Variants in ARID4B observed in about 807,000 individuals in gnomAD.
ARID4B encodes AT-rich interactive domain-containing protein 4B.
ARID4B carries 26 observed loss-of-function variants against 147.5 expected under a neutral mutation model. The ratio of observed to expected loss-of-function variants is 0.18; its 90% CI spans 0.13 to 0.24. ARID4B has a LOEUF of 0.24. Ranked by LOEUF, ARID4B falls within the 10% of genes least tolerant of loss-of-function variation. The pLI is 1.00. For synonymous variants in ARID4B, 512 were observed against 507.9 expected, an observed-to-expected ratio of 1.01 and a Z score of -0.11; for missense variants, 1,179 against 1,511.5, an observed-to-expected ratio of 0.78 and a Z score of 3.65.
rs1252267786 is a variant in ARID4B, at chr1:235,328,096, G to GTCT, written c.-378_-377insAGA. The GTCT allele has an allele frequency of 1.3e-5, 2 of 153,354 alleles. No homozygotes were observed. The highest frequency in any genetic ancestry group is 2.9e-5 in the Non-Finnish European group (2 of 68,646). 9.5% of individuals were successfully genotyped at this position (153,354 alleles called of 1,614,324 possible). ...CCGGGCAAAGGTCCAGGCGGTGGCCGTGGCGGCGGCAAGATGAAGCTCAAG... is the reference window on the plus strand; with the variant it reads ...CCGGGCAAAGGTCCAGGCGGTGGCCGTCTTGGCGGCGGCAAGATGAAGCTCAAG... On this transcript the variant is annotated 5_prime_UTR_variant, in exon 1 of 24. Transcript: ENST00000264183.
chr1:235,308,698 A>C, intron 2 of ARID4B, among the ~76,000 whole-genome samples: 1 of 152,116 alleles, frequency 6.6e-6, no homozygotes, highest in East Asian at 1.9e-4. Flanking sequence ...GCTGGTCTCC[A>C]GCTCCTAACC....
chr1:235,188,645 A>C (rs948317563), intron 19 of ARID4B, among the ~76,000 whole-genome samples: 6 of 151,702 alleles, frequency 4.0e-5, no homozygotes, highest in Non-Finnish European at 8.8e-5. Flanking sequence ...CCTCCACCCC[A>C]CTCTCTGTTC....
chr1:235,239,884 T>C (rs1668874937), intron 8 of ARID4B, among the ~76,000 whole-genome samples: 1 of 152,150 alleles, frequency 6.6e-6, no homozygotes, highest in Admixed American at 6.5e-5. Context: ...ATAATTGCAG[T>C]CATGATTATA....
At chr1:235,183,531 T>C (rs1664466508) in intron 19 of ARID4B, among the ~76,000 whole-genome samples, 3 of 152,010 alleles carry the variant, frequency 2.0e-5, no homozygotes, top group Admixed American at 6.6e-5. Flanking sequence ...CTTATGAAAC[T>C]ATAGCCTTCA....
chr1:235,185,891 CTA>C (rs3083641), intron 19 of ARID4B, among the ~76,000 whole-genome samples: 6,256 of 150,984 alleles, frequency 0.041, 472 homozygotes, highest in African/African-American at 0.14. Context: ...CGGTATGACT[CTA>C]TTAATTTATT....
At chr1:235,326,647 T>C in intron 2 of ARID4B, 1 of 481,066 alleles carries the variant, frequency 2.1e-6, no homozygotes, top group South Asian at 2.3e-5. Context: ...AACACTTTAA[T>C]TCATGCCGTT....
At chr1:235,245,700 G>T (rs1397887789) in intron 7 of ARID4B, among the ~76,000 whole-genome samples, 1 of 151,978 alleles carries the variant, frequency 6.6e-6, no homozygotes, top group South Asian at 2.1e-4. Flanking sequence ...ATTTCATCAT[G>T]AAATTTTTCA....
chr1:235,256,304 G>A (rs897587438), intron 4 of ARID4B, among the ~76,000 whole-genome samples: 1 of 151,506 alleles, frequency 6.6e-6, no homozygotes, highest in Non-Finnish European at 1.5e-5. Flanking sequence ...TACAACCCCC[G>A]CCAAAAGAAT....
chr1:235,293,952 T>C (rs1473250170), intron 2 of ARID4B, among the ~76,000 whole-genome samples: 1 of 152,192 alleles, frequency 6.6e-6, no homozygotes, highest in East Asian at 1.9e-4. Flanking sequence ...CTGTAAAACA[T>C]CTTAAAATAG....
intron 8 of ARID4B, 78 bp downstream of exon 8, chr1:235,240,235 A>G: frequency 7.6e-7 from 1 of 1,317,156 alleles, no homozygotes; most frequent in South Asian, 1.5e-5. Context: ...TACCTATGAA[A>G]AACATTAGTA....
At chr1:235,290,810 A>C (rs763866665) in intron 2 of ARID4B, among the ~76,000 whole-genome samples, 6 of 152,250 alleles carry the variant, frequency 3.9e-5, no homozygotes, top group Admixed American at 3.9e-4. Context: ...CAAAAATTCC[A>C]TAACAGCCAG....
intron 2 of ARID4B, among the ~76,000 whole-genome samples, chr1:235,295,593 G>A (rs891758436): frequency 1.5e-4 from 23 of 150,924 alleles, no homozygotes; most frequent in African/African-American, 4.9e-4. Flanking sequence ...AGGCGGATCC[G>A]GAGGTCAGGA....
At chr1:235,303,751 A>T (rs557558655) in intron 2 of ARID4B, among the ~76,000 whole-genome samples, 48 of 152,318 alleles carry the variant, frequency 3.2e-4, no homozygotes, top group African/African-American at 9.9e-4. Context: ...ATGTAAAAAG[A>T]ACAAAGATTA....
intron 17 of ARID4B, among the ~76,000 whole-genome samples, chr1:235,199,094 G>A (rs1367362026): frequency 1.3e-5 from 2 of 151,946 alleles, no homozygotes; most frequent in Non-Finnish European, 2.9e-5. Flanking sequence ...ACAAGACTCC[G>A]TCTCAAAAAA....
rs1302708754 is a variant in ARID4B, at chr1:235,182,102, C to A, written c.2817G>T (p.Thr939=). 6.2e-7 allele frequency: 1 copy of A among 1,614,146 alleles called. No homozygotes were observed. Among genetic ancestry groups the A allele is most frequent in the Non-Finnish European group, 8.5e-7 (1 of 1,180,038 alleles). ...CAGAGTCTGAAAAAAGCTCTTTCAG[C>A]GTTTTTTTAGGCCACTGTCCCTGAA... ...SSIQGQWPKK[T]LKELFSDSDT... Residue 939 remains threonine (T), a synonymous_variant, in exon 20 of 24, where the codon ACG becomes ACT. Transcript: ENST00000264183.
intron 17 of ARID4B, among the ~76,000 whole-genome samples, chr1:235,200,214 G>A (rs12084699): frequency 0.041 from 6,255 of 152,084 alleles, 483 homozygotes; most frequent in African/African-American, 0.14. Flanking sequence ...CAGCACTTTG[G>A]GAGGCCGAGG....
chr1:235,178,776 A>T (rs1558171604), intron 20 of ARID4B, among the ~76,000 whole-genome samples: 1 of 152,292 alleles, frequency 6.6e-6, no homozygotes, highest in East Asian at 1.9e-4. Flanking sequence ...TCAGACACCA[A>T]ATCAACCTTC....
chr1:235,177,697 C>T, intron 21 of ARID4B, 103 bp downstream of exon 21: 3 of 665,336 alleles, frequency 4.5e-6, no homozygotes, highest in Non-Finnish European at 7.1e-6. Context: ...CAGACAAAAT[C>T]AAAATAGTGT....
At chr1:235,307,263 G>T (rs1310543850) in intron 2 of ARID4B, among the ~76,000 whole-genome samples, 1 of 152,138 alleles carries the variant, frequency 6.6e-6, no homozygotes, top group African/African-American at 2.4e-5. Context: ...GGGAAACACA[G>T]TGAGGCCACA....
Sources: allele counts gnomAD v4.1 joint callset (sites outside exome capture counted in the v4.1 genomes callset), GRCh38; gene constraint gnomAD v4.1.1; transcripts MANE v1.5; gene names NCBI Gene and HGNC (gene_info 2026-07-23, HGNC 2026-07-21).